Variants in EXOC3L1 observed in about 807,000 individuals in gnomAD.
The protein encoded by EXOC3L1 is exocyst complex component 3-like protein.
EXOC3L1 carries 79 observed loss-of-function variants against 83.6 expected under a neutral mutation model. The observed-to-expected ratio is 0.95, with a 90% CI of 0.79 to 1.14. EXOC3L1 has a LOEUF of 1.14. EXOC3L1 is among the 50% of genes most tolerant of loss of function. EXOC3L1 has a pLI of 0.00. For synonymous variants in EXOC3L1, 433 were observed against 451.2 expected, an observed-to-expected ratio of 0.96 and a Z score of 0.51; for missense variants, 945 against 972.0, an observed-to-expected ratio of 0.97 and a Z score of 0.37.
At position 67,184,928 on chromosome 16, in the gene EXOC3L1, G is replaced by A. The variant is rs2145983793; in HGVS notation, c.1879C>T (p.Gln627Ter). The A allele has an allele frequency of 6.2e-7, 1 of 1,612,142 alleles. No homozygotes were observed. Among genetic ancestry groups the A allele is most frequent in the Non-Finnish European group, 8.5e-7 (1 of 1,179,662 alleles). Residue 627 changes from glutamine (Q) to a stop codon, truncating the protein, a stop_gained, in exon 12 of 14, where the codon CAG becomes TAG. Coordinates refer to ENST00000314586, the MANE Select transcript of EXOC3L1 (RefSeq NM_178516.4). LOFTEE classifies it high-confidence loss of function. ...AAACTGAGGAAAAGCTGCTGAAGCT[G>A]GGCAGCATCGTGCCGCAGGCGCTCG... ...AAERLRHDAAQLQQLFLSLGL... is the reference protein window; with the variant it reads ...AAERLRHDAA
At chr16:67,189,565 C>G (rs376789228) in intron 2 of EXOC3L1, 66 bp downstream of exon 2, 167 of 1,592,202 alleles carry the variant, frequency 1.0e-4, no homozygotes, top group Non-Finnish European at 1.1e-4. Flanking sequence ...GCGTGAGCCA[C>G]TGCGCCCAGC....
chr16:67,189,299 T>G, intron 2 of EXOC3L1, 119 bp from the exon 3 acceptor site: 4 of 1,145,188 alleles, frequency 3.5e-6, no homozygotes, highest in Non-Finnish European at 4.7e-6. Flanking sequence ...TTTATTGAGA[T>G]GGAGTCTCGC....
rs143697504 is a variant in EXOC3L1 at position 67,187,704 on chromosome 16, G to T, written c.561C>A (p.Val187=). 8 of 1,612,922 alleles carry T rather than the reference G, an allele frequency of 5.0e-6. No homozygotes were observed. In the African/African-American group the frequency reaches 9.3e-5, roughly 19 times the overall value. The change falls in exon 5 of 14, where the codon GTC becomes GTA. Residue 187 remains valine (V), a synonymous_variant. Transcript: ENST00000314586. ...CGAACAGAAGGTCCAGCCCCTGGAAGACTGGCAACTCCAGGCCCCCCAGGG... is the reference window on the plus strand; with the variant it reads ...CGAACAGAAGGTCCAGCCCCTGGAATACTGGCAACTCCAGGCCCCCCAGGG... ...WAPLGGLELP[V]FQGLDLLFEA... is the part of the protein sequence containing the mutation.
Position 67,189,630 on chromosome 16 carries a change from C to G in EXOC3L1, c.46+1G>C. ...CCCTAGTCCACCCAAAAGGTTCATACCAGGGGACAACGCCGGCTGCATCTC... is the reference window on the plus strand; with the variant it reads ...CCCTAGTCCACCCAAAAGGTTCATAGCAGGGGACAACGCCGGCTGCATCTC... On this transcript the variant is annotated splice_donor_variant, in intron 2 of 13. Coordinates refer to ENST00000314586, the MANE Select transcript of EXOC3L1 (RefSeq NM_178516.4). LOFTEE classifies it high-confidence loss of function. 6.2e-7 allele frequency: 1 copy of G among 1,614,112 alleles called. No homozygotes were observed. Among genetic ancestry groups the G allele is most frequent in the East Asian group, 2.2e-5 (1 of 44,882 alleles).
chr16:67,189,596 T>C, intron 2 of EXOC3L1, 35 bp downstream of exon 2: 1 of 1,613,296 alleles, frequency 6.2e-7, no homozygotes, highest in Non-Finnish European at 8.5e-7. Context: ...TTTGTTGCCA[T>C]CATTCCTCCC....
chr16:67,187,960 TA>T (rs2032777034), intron 4 of EXOC3L1, 123 bp from the exon 5 acceptor site: 1 of 1,327,154 alleles, frequency 7.5e-7, no homozygotes. Context: ...ACCAGTAGAG[TA>T]AGCTGGGCAC....
chr16:67,185,179 C>T lies in EXOC3L1; in HGVS notation c.1706G>A (p.Arg569His). 2 of 1,613,450 alleles carry T rather than the reference C, an allele frequency of 1.2e-6. No homozygotes were observed. Among genetic ancestry groups the T allele is most frequent in the South Asian group, 1.1e-5 (1 of 91,086 alleles). Residue 569 changes from arginine to histidine, a missense_variant, in exon 11 of 14, where the codon CGC becomes CAC. By Grantham distance (29) the Arg-to-His change is conservative. Transcript: ENST00000314586. ...CACGCGCCAGAAGTCCCGGCAGAAG[C>T]GCCCCGTCCGTTCACACACACTTTG... ...LLQSVCERTG[R>H]FCRDFWRVRN...
chr16:67,189,901 G>A (rs2032836564), intron 1 of EXOC3L1, 70 bp downstream of exon 1: 2 of 591,144 alleles, frequency 3.4e-6, no homozygotes, highest in Non-Finnish European at 6.1e-6. Flanking sequence ...GCGAGACAGA[G>A]TGGGCACAGG....
At position 67,186,306 on chromosome 16, in the gene EXOC3L1, C is replaced by G. The variant is rs559882217; in HGVS notation, c.1427G>C (p.Arg476Thr). 1 of 1,572,142 alleles carries G rather than the reference C, an allele frequency of 6.4e-7. No homozygotes were observed. Among genetic ancestry groups the G allele is most frequent in the South Asian group, 1.2e-5 (1 of 85,770 alleles). ...GTAATGAGGGGCCATTGATTTCCCC[C>G]TGAAGTGGTCTCGGGAGAATCGGAT... ...ALIRFSRDHF[R>T]GKSMAPHYVP... Residue 476 changes from arginine to threonine, a missense_variant, in exon 9 of 14, where the codon AGG becomes ACG. By Grantham distance (71) the Arg-to-Thr change is moderately conservative. Transcript: ENST00000314586.
rs546290851 is a variant in EXOC3L1, at chr16:67,184,860, C to T, written c.1905+42G>A. On this transcript the variant is annotated intron_variant, in intron 12 of 13. Transcript: ENST00000314586. ...GCGCCAGCCCTCTCTCCCACCCAGC[C>T]ACTGAGACTCTCGCCCGTCTGCCCG... 7 of 1,609,908 alleles carry T rather than the reference C, an allele frequency of 4.3e-6. No individual in the cohort carries two copies. In the South Asian group the frequency reaches 5.5e-5, roughly 13 times the overall value.
intron 4 of EXOC3L1, 71 bp downstream of exon 4, chr16:67,188,650 C>T: frequency 7.0e-7 from 1 of 1,432,490 alleles, no homozygotes; most frequent in South Asian, 1.2e-5. Flanking sequence ...AGTGCCCCAG[C>T]CCCTTGATTA....
Position 67,188,931 on chromosome 16 carries a change from G to A in EXOC3L1, c.217C>T (p.Gln73Ter), listed in dbSNP as rs2032805982. 17 of 1,612,714 alleles carry A rather than the reference G, an allele frequency of 1.1e-5. No homozygotes were observed. The East Asian group carries it at 3.6e-4, about 34-fold the overall frequency. ...SLESRLKSVMQSYLEGVQTGV... is the reference protein window; with the variant it reads ...SLESRLKSVM ...GTCTGCACGCCTTCCAGGTATGACT[G>A]CATCACTGACTGTGGAAAGATGGAG... Residue 73 changes from glutamine to a stop codon, truncating the protein, a stop_gained, in exon 4 of 14, where the codon CAG becomes TAG. Transcript: ENST00000314586. LOFTEE classifies it high-confidence loss of function.
intron 1 of EXOC3L1, 53 bp from the exon 2 acceptor site, chr16:67,189,736 C>T (rs2032831567): frequency 1.3e-6 from 2 of 1,558,262 alleles, no homozygotes; most frequent in Admixed American, 1.7e-5. Context: ...GAGTAGATGC[C>T]CCTGTGAGCT....
In EXOC3L1 at chr16:67,187,804, A is replaced by G. The variant is rs757230739; in HGVS notation, c.461T>C (p.Ile154Thr). ...PAAVSHTQTLIDGQQFLEAYV... is the reference protein window; with the variant it reads ...PAAVSHTQTLTDGQQFLEAYV... ...TGCCTCCAAGAACTGTTGGCCATCA[A>G]TCAGAGTCTGTGTGTGGGACACTGC... Residue 154 changes from isoleucine to threonine, a missense_variant, in exon 5 of 14, where the codon ATT (isoleucine) becomes ACT (threonine). Physicochemically the swap from Ile to Thr is moderately conservative, Grantham distance 89. Transcript: ENST00000314586. 4.4e-6 allele frequency: 7 copies of G among 1,608,992 alleles called. No individual in the cohort carries two copies. Among genetic ancestry groups the G allele is most frequent in the Non-Finnish European group, 5.9e-6 (7 of 1,177,574 alleles).
Position 67,184,428 on chromosome 16 carries a change from C to A in EXOC3L1, c.2207G>T (p.Gly736Val), listed in dbSNP as rs1193245802. Residue 736 changes from glycine (G) to valine (V), a missense_variant, in exon 14 of 14, where the codon GGG becomes GTG. Coordinates refer to ENST00000314586, the MANE Select transcript of EXOC3L1 (RefSeq NM_178516.4). ...ALAPASCLPS[G>V]SCARALLLAE The stretch of plus-strand genomic sequence containing the variant: ...GAGCAGCAGGGCTCGGGCGCAGGAC[C>A]CCGAGGGCAGGCAGGAGGCCGGCGC... 1 of 1,531,884 alleles carries A rather than the reference C, an allele frequency of 6.5e-7. No homozygotes were observed. The highest frequency in any genetic ancestry group is 8.7e-7 in the Non-Finnish European group (1 of 1,145,136). The allele number at this position is 1,531,884 out of a possible 1,614,324, so 94.9% of individuals were successfully genotyped here.
chr16:67,187,834 G>A lies in EXOC3L1; in HGVS notation c.431C>T (p.Pro144Leu), dbSNP rs149684674. The A allele has an allele frequency of 8.6e-4, 1,353 of 1,580,684 alleles. 1 individual carries two copies. The highest frequency in any genetic ancestry group is 1.0e-3 in the Non-Finnish European group (1,183 of 1,160,382). The change falls in exon 5 of 14, where the codon CCG becomes CTG. Residue 144 changes from proline to leucine, a missense_variant. Transcript: ENST00000314586. The stretch of plus-strand genomic sequence containing the variant: ...AGTCTGTGTGTGGGACACTGCAGCC[G>A]GCACTAATGAGAGTGAAAAGGAGAC... ...SHLLPRLRAVPAAVSHTQTLI... is the reference protein window; with the variant it reads ...SHLLPRLRAVLAAVSHTQTLI...
At position 67,186,298 on chromosome 16, in the gene EXOC3L1, A is replaced by T. The variant is rs1263482088; in HGVS notation, c.1435T>A (p.Ser479Thr). 1 of 1,575,734 alleles carries T rather than the reference A, an allele frequency of 6.3e-7. No homozygotes were observed. Among genetic ancestry groups the T allele is most frequent in the South Asian group, 1.2e-5 (1 of 86,078 alleles). Residue 479 changes from serine (S) to threonine (T), a missense_variant, in exon 9 of 14, where the codon TCA becomes ACA. Physicochemically the swap from Ser to Thr is moderately conservative, Grantham distance 58. Coordinates refer to ENST00000314586, the MANE Select transcript of EXOC3L1 (RefSeq NM_178516.4). ...TAGGGCACGTAATGAGGGGCCATTGATTTCCCCCTGAAGTGGTCTCGGGAG... is the reference window on the plus strand; with the variant it reads ...TAGGGCACGTAATGAGGGGCCATTGTTTTCCCCCTGAAGTGGTCTCGGGAG... Reference protein sequence around the residue: ...RFSRDHFRGKSMAPHYVPYLL... With the variant: ...RFSRDHFRGKTMAPHYVPYLL...
intron 4 of EXOC3L1, 27 bp downstream of exon 4, chr16:67,188,694 T>C (rs2032797538): frequency 6.3e-7 from 1 of 1,595,410 alleles, no homozygotes; most frequent in Non-Finnish European, 8.6e-7. Context: ...TATTGGAGGC[T>C]GAGGCCCAGG....
chr16:67,186,226 C>A lies in EXOC3L1; in HGVS notation c.1496+11G>T, dbSNP rs1287682139. On this transcript the variant is annotated intron_variant, in intron 9 of 13. Coordinates refer to ENST00000314586, the MANE Select transcript of EXOC3L1 (RefSeq NM_178516.4). The stretch of plus-strand genomic sequence containing the variant: ...TAGTGAAGGTGGGGTTCCCTGGGGG[C>A]CTTCTGGTACCTGAGTGCTGACTTG... 4.5e-6 allele frequency: 7 copies of A among 1,552,850 alleles called. No individual in the cohort carries two copies. The highest frequency in any genetic ancestry group is 1.9e-5 in the Admixed American group (1 of 52,144).
Sources: gnomAD v4.1 joint callset for allele counts on GRCh38, gnomAD v4.1.1 for gene constraint, MANE v1.5 for transcripts, NCBI Gene and HGNC (gene_info 2026-07-23, HGNC 2026-07-21) for gene names.